FCHO1: variants seen among roughly 807,000 people sequenced by gnomAD.
FCHO1 encodes F-BAR domain only protein 1.
In FCHO1, 45 loss-of-function variants were observed where a neutral mutation model predicts 114.4. The observed-to-expected ratio is 0.39, with a 90% CI of 0.31 to 0.50. The LOEUF is 0.50. FCHO1 is among the 20% of genes least tolerant of loss of function. The probability of loss-of-function intolerance (pLI) is 0.77; values close to 1 mark genes in which losing one functional copy is unlikely to be tolerated. For missense variants in FCHO1, 1,042 were observed against 1,209.6 expected (o/e 0.86, Z 2.06); for synonymous variants, 480 against 488.9 (o/e 0.98, Z 0.24).
chr19:17,778,101 A>T, intron 18 of FCHO1, 36 bp from the exon 19 acceptor site: 3 of 1,539,786 alleles, frequency 1.9e-6, no homozygotes, highest in Non-Finnish European at 2.7e-6. Context: ...GGCTTGGGAA[A>T]AATAGAAGCA....
chr19:17,776,900 C>T lies in FCHO1; in HGVS notation c.1259+214C>T, dbSNP rs541956900. Among the ~76,000 whole-genome samples the T allele has an allele frequency of 3.9e-5, 6 of 152,160 alleles. No homozygotes were observed. The highest frequency in any genetic ancestry group is 3.9e-4 in the East Asian group (2 of 5,142). On this transcript the variant is annotated intron_variant, in intron 18 of 28. Transcript: ENST00000596536. This position sits in a 1 kb window ranked among gnomAD's most constrained non-coding sequence, Gnocchi z 4.4. ...GCAACCTCCACCTCCTGAGTTCAAG[C>T]GATTTTCATGCCTCAGCCTCCTAAG... is the stretch of plus-strand genomic sequence containing the variant.
At chr19:17,766,544 T>C in intron 6 of FCHO1, 125 bp from the exon 7 acceptor site, 5 of 1,219,742 alleles carry the variant, frequency 4.1e-6, no homozygotes, top group Non-Finnish European at 5.7e-6. Flanking sequence ...ATGGAGATTA[T>C]ATGAATTAGT....
intron 4 of FCHO1, among the ~76,000 whole-genome samples, chr19:17,761,626 G>GTATATATATATA (rs1430327596): frequency 2.1e-5 from 2 of 95,624 alleles, no homozygotes; most frequent in Non-Finnish European, 4.4e-5. Flanking sequence ...TTCTTTTCAT[G>GTATATATATATA]TATATACATA....
rs777238870 is a variant in FCHO1 at position 17,762,845 on chromosome 19, C to T, written c.111C>T (p.Ile37=). Residue 37 remains isoleucine (I), a synonymous_variant, in exon 5 of 29, where the codon ATC becomes ATT. Coordinates refer to ENST00000596536, the MANE Select transcript of FCHO1 (RefSeq NM_015122.3). ...PISTKELADF[I]RERATIEETY... Reference sequence around the variant, plus strand: ...CCACCAAGGAGCTGGCGGACTTCATCCGGGAGAGGTGAGGTCCCCAAGCCC... The same window carrying T: ...CCACCAAGGAGCTGGCGGACTTCATTCGGGAGAGGTGAGGTCCCCAAGCCC... The T allele has an allele frequency of 6.2e-7, 1 of 1,612,226 alleles. No homozygotes were observed. The highest frequency in any genetic ancestry group is 1.1e-5 in the South Asian group (1 of 91,030).
intron 7 of FCHO1, among the ~76,000 whole-genome samples, chr19:17,768,363 C>T (rs1028146035): frequency 9.2e-5 from 14 of 152,070 alleles, no homozygotes; most frequent in Admixed American, 9.2e-4. Context: ...AGCCACCGCG[C>T]CTGGCTTTGC....
intron 19 of FCHO1, 101 bp from the exon 20 acceptor site, chr19:17,778,507 GC>G (rs768947238): frequency 2.6e-5 from 36 of 1,370,414 alleles, no homozygotes; most frequent in Non-Finnish European, 3.1e-5. Context: ...TTGAATGGGG[GC>G]CCCCCTGACC....
In FCHO1 at chr19:17,784,661, C is replaced by T. The variant is rs1401075016; in HGVS notation, c.2227-64C>T. On this transcript the variant is annotated intron_variant, in intron 25 of 28. Coordinates refer to ENST00000596536, the MANE Select transcript of FCHO1 (RefSeq NM_015122.3). This position sits in a 1 kb window ranked among gnomAD's most constrained non-coding sequence, Gnocchi z 5.3. ...TCGCAGGGTCAAGGTGGTTGAATAG[C>T]GCATGGTGTGGCAAGACAGGATGGC... The T allele has an allele frequency of 4.0e-6, 6 of 1,497,676 alleles. No homozygotes were observed. The highest frequency in any genetic ancestry group is 3.3e-5 in the Admixed American group (2 of 59,836). 92.8% of individuals were successfully genotyped at this position (1,497,676 alleles called of 1,614,324 possible). A position where few individuals can be genotyped will look rare whatever the true frequency, so the allele number is the denominator to read the frequency against.
chr19:17,764,418 T>A lies in FCHO1; in HGVS notation c.163T>A (p.Ser55Thr), dbSNP rs765203913. ...ETYSKAMAKL[S>T]KLASNGTPMG... The stretch of plus-strand genomic sequence containing the variant: ...CTACTCGAAGGCGATGGCGAAACTC[T>A]CCAAGCTGGCCAGCAACGGGACCCC... Residue 55 changes from serine to threonine, a missense_variant, in exon 6 of 29, where the codon TCC (serine) becomes ACC (threonine). By Grantham distance (58) the Ser-to-Thr change is moderately conservative. Coordinates refer to ENST00000596536, the MANE Select transcript of FCHO1 (RefSeq NM_015122.3). The A allele has an allele frequency of 6.2e-7, 1 of 1,613,494 alleles. No homozygotes were observed. The highest frequency in any genetic ancestry group is 8.5e-7 in the Non-Finnish European group (1 of 1,179,814).
chr19:17,775,026 T>C lies in FCHO1; in HGVS notation c.921-30T>C, dbSNP rs369783771. 13 of 1,613,204 alleles carry C rather than the reference T, an allele frequency of 8.1e-6. No individual in the cohort carries two copies. The highest frequency in any genetic ancestry group is 2.2e-5 in the East Asian group (1 of 44,842). The stretch of plus-strand genomic sequence containing the variant: ...GGGGCACCAGATGGGCTGCGGAAGC[T>C]GACACCAACATCTCTTCCTCCATCC... On this transcript the variant is annotated intron_variant, in intron 13 of 28. Transcript: ENST00000596536. The surrounding 1 kb of genome is among the most constrained non-coding windows in gnomAD (Gnocchi z 5.1).
intron 4 of FCHO1, chr19:17,758,727 C>G: frequency 6.6e-6 from 1 of 152,282 alleles, no homozygotes; most frequent in Non-Finnish European, 1.5e-5. Context: ...AATCTCAGCA[C>G]TTTGGGAGGC....
rs189534331 is a variant in FCHO1, at chr19:17,776,639, C to T, written c.1212C>T (p.Asp404=). 31 of 1,613,830 alleles carry T rather than the reference C, an allele frequency of 1.9e-5. No individual in the cohort carries two copies. The Admixed American group carries it at 2.0e-4, about 10-fold the overall frequency. Residue 404 remains aspartate, a synonymous_variant, in exon 18 of 29, where the codon GAC becomes GAT. Transcript: ENST00000596536. The surrounding 1 kb of genome is among the most constrained non-coding windows in gnomAD (Gnocchi z 4.4). ...GGTMKRHSSR[D]AAGKPQRPRS... The stretch of plus-strand genomic sequence containing the variant: ...AAGGAGGTGCATCTCTTGTAGGGGA[C>T]GCTGCTGGGAAACCCCAGAGACCTC...
rs138901960 is a variant in FCHO1 at position 17,766,090 on chromosome 19, A to G, written c.195-579A>G. ...TTTTTAGTAGAGACGGGGTTTCACC[A>G]TGTTAGCCAGGATGCTCTCTCAATC... On this transcript the variant is annotated intron_variant, in intron 6 of 28. Coordinates refer to ENST00000596536, the MANE Select transcript of FCHO1 (RefSeq NM_015122.3). Among the ~76,000 whole-genome samples, 64 of 150,860 alleles carry G rather than the reference A, an allele frequency of 4.2e-4. 1 individual carries two copies. In the East Asian group the frequency reaches 0.011, roughly 26 times the overall value.
At chr19:17,763,573 TTTTTTC>T (rs1030983638) in intron 5 of FCHO1, among the ~76,000 whole-genome samples, 11 of 146,452 alleles carry the variant, frequency 7.5e-5, no homozygotes, top group South Asian at 4.4e-4. Context: ...CTTTTTTTTT[TTTTTTC>T]TTTTTGGAGA....
chr19:17,785,690 C>T (rs1454337709), intron 26 of FCHO1, among the ~76,000 whole-genome samples: 4 of 151,678 alleles, frequency 2.6e-5, no homozygotes, highest in South Asian at 2.1e-4. Context: ...AAAAAAAATC[C>T]GGGCATGGTG....
At chr19:17,766,957 C>G (rs1341347790) in intron 7 of FCHO1, 147 bp downstream of exon 7, 34 of 920,820 alleles carry the variant, frequency 3.7e-5, no homozygotes, top group South Asian at 1.2e-4. Flanking sequence ...CAGGGTCTTA[C>G]GGACCTGAGC....
At chr19:17,757,587 A>G (rs1259136827) in intron 4 of FCHO1, among the ~76,000 whole-genome samples, 8 of 152,200 alleles carry the variant, frequency 5.3e-5, no homozygotes, top group Admixed American at 5.2e-4. Context: ...GAGATTGGAC[A>G]CTTGAACTTT....
At position 17,774,397 on chromosome 19, in the gene FCHO1, T is replaced by C. The variant is rs1032546428; in HGVS notation, c.839T>C (p.Met280Thr). Residue 280 changes from methionine to threonine, a missense_variant, in exon 13 of 29, where the codon ATG (methionine) becomes ACG (threonine). This residue lies in a region of FCHO1 where 450 missense variants were observed against 564.1 expected (regional missense o/e 0.80). Transcript: ENST00000596536. The stretch of plus-strand genomic sequence containing the variant: ...GTGCCCCCCAATCTATCCTCAGCGA[T>C]GAAACGTTTGCGGGGAGCCAAGGCC... The part of the protein sequence containing the change: ...AYSAAALQEA[M>T]KRLRGAKAFR... The C allele has an allele frequency of 3.1e-6, 5 of 1,614,026 alleles. No individual in the cohort carries two copies. The highest frequency in any genetic ancestry group is 4.2e-6 in the Non-Finnish European group (5 of 1,180,018).
chr19:17,770,424 G>C lies in FCHO1; in HGVS notation c.337-1G>C. 1 of 1,609,780 alleles carries C rather than the reference G, an allele frequency of 6.2e-7. No homozygotes were observed. The highest frequency in any genetic ancestry group is 8.5e-7 in the Non-Finnish European group (1 of 1,177,670). ...CCATGAAATCCCCTCCTACCCCGCA[G>C]TGCAAGGAGGAAGTGGTGAGCACCT... On this transcript the variant is annotated splice_acceptor_variant, in intron 7 of 28. Transcript: ENST00000596536. LOFTEE classifies it high-confidence loss of function.
chr19:17,780,820 G>C (rs981861183), intron 20 of FCHO1, among the ~76,000 whole-genome samples: 1 of 152,178 alleles, frequency 6.6e-6, no homozygotes, highest in African/African-American at 2.4e-5. Flanking sequence ...AGGGAGGGGA[G>C]CTTGGGTGTT....
Sources: allele counts gnomAD v4.1 joint callset (sites outside exome capture counted in the v4.1 genomes callset), GRCh38; gene constraint gnomAD v4.1.1; regional missense constraint gnomAD v4.1.1; non-coding constraint Gnocchi (gnomAD v3.1); transcripts MANE v1.5; gene names NCBI Gene and HGNC (gene_info 2026-07-23, HGNC 2026-07-21).